KCNIP4: variants seen among roughly 807,000 people sequenced by gnomAD.
KCNIP4 encodes Kv channel-interacting protein 4.
A neutral mutation model predicts 34.0 loss-of-function variants in KCNIP4; 12 were observed. That is an observed-to-expected ratio of 0.35 (90% CI 0.23 to 0.57). KCNIP4 has a LOEUF of 0.57. KCNIP4 is among the 20% of genes least tolerant of loss of function. KCNIP4 has a pLI of 0.83. For missense variants in KCNIP4, 238 were observed against 311.7 expected (o/e 0.76, Z 1.78); for synonymous variants, 124 against 102.2 (o/e 1.21, Z -1.29).
intron 1 of KCNIP4, among the ~76,000 whole-genome samples, chr4:21,772,992 T>C (rs937989962): frequency 6.6e-6 from 1 of 152,180 alleles, no homozygotes; most frequent in African/African-American, 2.4e-5. Context: ...CCTCTCTAGC[T>C]CTTTTAATTG....
intron 1 of KCNIP4, among the ~76,000 whole-genome samples, chr4:21,612,571 T>C (rs1744239376): frequency 6.6e-6 from 1 of 152,224 alleles, no homozygotes; most frequent in Non-Finnish European, 1.5e-5. Flanking sequence ...TGGAATGCAT[T>C]TGATGAAAAC....
At chr4:20,765,288 A>T (rs1755298042) in intron 3 of KCNIP4, among the ~76,000 whole-genome samples, 1 of 152,076 alleles carries the variant, frequency 6.6e-6, no homozygotes, top group Admixed American at 6.6e-5. Flanking sequence ...TTCTATTAGG[A>T]CTGAAAACAT....
intron 1 of KCNIP4, among the ~76,000 whole-genome samples, chr4:21,291,588 G>T (rs751744794): frequency 3.3e-5 from 5 of 151,912 alleles, no homozygotes. Flanking sequence ...GGTGGCTCAC[G>T]CCTGTAATCC....
intron 3 of KCNIP4, among the ~76,000 whole-genome samples, chr4:20,772,089 A>G (rs1353951002): frequency 6.6e-6 from 1 of 152,192 alleles, no homozygotes; most frequent in African/African-American, 2.4e-5. Context: ...TTACCACACA[A>G]TGTTTAAGAA....
chr4:21,610,962 T>C (rs1302440453), intron 1 of KCNIP4, among the ~76,000 whole-genome samples: 1 of 151,942 alleles, frequency 6.6e-6, no homozygotes, highest in African/African-American at 2.4e-5. Context: ...ATGCTATCCC[T>C]CCCCTAGACC....
chr4:20,731,899 A>C, intron 8 of KCNIP4, 107 bp downstream of exon 8: 1 of 1,502,222 alleles, frequency 6.7e-7, no homozygotes, highest in South Asian at 1.3e-5. Context: ...TGGTAAACTT[A>C]GGCATATGAT....
intron 1 of KCNIP4, among the ~76,000 whole-genome samples, chr4:21,627,615 C>T (rs981260337): frequency 2.0e-5 from 3 of 152,004 alleles, no homozygotes; most frequent in Middle Eastern, 3.2e-3. Flanking sequence ...AAGATTTTAT[C>T]TGGAAAAAAA....
chr4:21,005,574 C>A lies in KCNIP4; in HGVS notation c.62-122865G>T, dbSNP rs1009533024. On this transcript the variant is annotated intron_variant, in intron 1 of 8. Coordinates refer to ENST00000382152, the MANE Select transcript of KCNIP4 (RefSeq NM_025221.6). ...TCCTTAAAACACAGTATCTATCTACCATTTTTTTTTCTACATATAACCTGC... is the reference window on the plus strand; with the variant it reads ...TCCTTAAAACACAGTATCTATCTACAATTTTTTTTTCTACATATAACCTGC... 2.6e-5 allele frequency among the ~76,000 whole-genome samples: 4 copies of A among 152,136 alleles called. No individual in the cohort carries two copies. The East Asian group carries it at 7.7e-4, about 29-fold the overall frequency.
chr4:21,577,550 G>A (rs1400404951), intron 1 of KCNIP4, among the ~76,000 whole-genome samples: 1 of 152,084 alleles, frequency 6.6e-6, no homozygotes, highest in African/African-American at 2.4e-5. Context: ...AGAATCGCTT[G>A]AACCCAGGAG....
At chr4:21,134,835 C>T (rs76494579) in intron 1 of KCNIP4, among the ~76,000 whole-genome samples, 2,564 of 152,270 alleles carry the variant, frequency 0.017, 75 homozygotes, top group African/African-American at 0.056. Context: ...TGTGAGTCAA[C>T]ACAGAGCTCC....
intron 1 of KCNIP4, among the ~76,000 whole-genome samples, chr4:21,778,339 A>C (rs1190991753): frequency 1.4e-5 from 2 of 138,774 alleles, no homozygotes; most frequent in Non-Finnish European, 3.0e-5. Flanking sequence ...GGCTCAAGTG[A>C]TCCTCCCACT....
At chr4:21,541,180 CAAAAAA>C (rs60459395) in intron 1 of KCNIP4, among the ~76,000 whole-genome samples, 4 of 107,500 alleles carry the variant, frequency 3.7e-5, no homozygotes, top group South Asian at 3.2e-4. Flanking sequence ...CAAAAGAAAA[CAAAAAA>C]AAAAAAAAAA....
chr4:21,690,893 T>G (rs1251894026), intron 1 of KCNIP4, among the ~76,000 whole-genome samples: 1 of 152,220 alleles, frequency 6.6e-6, no homozygotes. Context: ...ATAGGTTTAC[T>G]TTACTTCTGG....
At chr4:21,222,484 T>C (rs1758054063) in intron 1 of KCNIP4, among the ~76,000 whole-genome samples, 1 of 152,232 alleles carries the variant, frequency 6.6e-6, no homozygotes, top group South Asian at 2.1e-4. Flanking sequence ...ATTTTATAAA[T>C]GTTAAGGTAA....
At chr4:21,655,716 G>A (rs1747868553) in intron 1 of KCNIP4, among the ~76,000 whole-genome samples, 1 of 152,106 alleles carries the variant, frequency 6.6e-6, no homozygotes, top group African/African-American at 2.4e-5. Flanking sequence ...ACAGAAGATG[G>A]CACATCATGC....
At chr4:21,136,258 T>C (rs1433485) in intron 1 of KCNIP4, among the ~76,000 whole-genome samples, 80,264 of 152,008 alleles carry the variant, frequency 0.53, 21,791 homozygotes, top group African/African-American at 0.64. Flanking sequence ...TTTTCTGACC[T>C]ACTGTTCCCC....
At chr4:21,178,436 C>A (rs556773602) in intron 1 of KCNIP4, among the ~76,000 whole-genome samples, 1 of 152,204 alleles carries the variant, frequency 6.6e-6, no homozygotes, top group Non-Finnish European at 1.5e-5. Flanking sequence ...GATGTCAGTT[C>A]CATCGTTACT....
chr4:21,504,103 CAAT>C (rs1260890182), intron 1 of KCNIP4, among the ~76,000 whole-genome samples: 1 of 152,104 alleles, frequency 6.6e-6, no homozygotes, highest in Non-Finnish European at 1.5e-5. Flanking sequence ...ATCTCCTGAG[CAAT>C]TTAATCCACC....
intron 3 of KCNIP4, among the ~76,000 whole-genome samples, chr4:20,849,998 C>T (rs1252474325): frequency 6.6e-6 from 1 of 152,182 alleles, no homozygotes; most frequent in Non-Finnish European, 1.5e-5. Flanking sequence ...GGCTCTCATT[C>T]CCTTTTGAAG....
Sources: allele counts gnomAD v4.1 joint callset (sites outside exome capture counted in the v4.1 genomes callset), GRCh38; gene constraint gnomAD v4.1.1; transcripts MANE v1.5; gene names NCBI Gene and HGNC (gene_info 2026-07-23, HGNC 2026-07-21).